CHST8: variants seen among roughly 807,000 people sequenced by gnomAD.
CHST8 encodes GALNAC-4-ST1.
In CHST8, 10 loss-of-function variants were observed where a neutral mutation model predicts 15.0. That is an observed-to-expected ratio of 0.67 (90% confidence interval 0.41 to 1.13). CHST8 has a LOEUF of 1.13. CHST8 is among the 50% of genes most tolerant of loss of function. The pLI is 0.00. For synonymous variants in CHST8, 259 were observed against 256.6 expected (o/e 1.01, Z -0.09); for missense variants, 634 against 608.2 (o/e 1.04, Z -0.45).
chr19:33,716,273 C>T (rs1973664207), intron 3 of CHST8, among the ~76,000 whole-genome samples: 1 of 152,176 alleles, frequency 6.6e-6, no homozygotes, highest in Non-Finnish European at 1.5e-5. Context: ...CTGTTTGCTT[C>T]TTTTGATGTC....
Position 33,773,207 on chromosome 19 carries a change from G to A in CHST8, c.*144G>A, listed in dbSNP as rs367547297. On this transcript the variant is annotated 3_prime_UTR_variant, in exon 5 of 5. Coordinates refer to ENST00000650847, the MANE Select transcript of CHST8 (RefSeq NM_001127895.2). ...ATCGCTGTGGGAGGCAGCAGGCCCC[G>A]GGTGGGGGGCAGAGGCGCCCAGCCT... 3 of 995,508 alleles carry A rather than the reference G, an allele frequency of 3.0e-6. No individual in the cohort carries two copies. Among genetic ancestry groups the A allele is most frequent in the African/African-American group, 1.6e-5 (1 of 61,146 alleles). The allele number at this position is 995,508 out of a possible 1,614,324, so 61.7% of individuals were successfully genotyped here. A position where few individuals can be genotyped will look rare whatever the true frequency, so the allele number is the denominator to read the frequency against.
At chr19:33,670,810 T>C (rs990598484) in intron 2 of CHST8, among the ~76,000 whole-genome samples, 37 of 152,296 alleles carry the variant, frequency 2.4e-4, no homozygotes, top group East Asian at 5.8e-4. Flanking sequence ...AAGTAGTCAC[T>C]GACATGAGCA....
intron 1 of CHST8, among the ~76,000 whole-genome samples, chr19:33,648,488 G>A (rs183539427): frequency 2.2e-4 from 34 of 152,164 alleles, no homozygotes; most frequent in Admixed American, 2.6e-4. Context: ...CCTACAATGC[G>A]TGGTCTTTTT....
rs191870464 is a variant in CHST8 at position 33,685,694 on chromosome 19, C to A, written c.-86-3482C>A. On this transcript the variant is annotated intron_variant, in intron 2 of 4. Transcript: ENST00000650847. Reference sequence around the variant, plus strand: ...ATGCCTCATCCCCCAGCCTTCCAGGCCCCAGCCTGTGACAGATGGTGGTGT... The same window carrying A: ...ATGCCTCATCCCCCAGCCTTCCAGGACCCAGCCTGTGACAGATGGTGGTGT... Among the ~76,000 whole-genome samples, 157 of 151,898 alleles carry A rather than the reference C, an allele frequency of 1.0e-3. 1 individual carries two copies. Among genetic ancestry groups the A allele is most frequent in the African/African-American group, 3.5e-3 (146 of 41,472 alleles).
At chr19:33,693,648 G>A (rs926086379) in intron 3 of CHST8, among the ~76,000 whole-genome samples, 1 of 152,162 alleles carries the variant, frequency 6.6e-6, no homozygotes, top group Non-Finnish European at 1.5e-5. Context: ...ATTGAGATTT[G>A]GCTGATTGGG....
intron 2 of CHST8, among the ~76,000 whole-genome samples, chr19:33,675,893 G>A (rs754118582): frequency 6.6e-5 from 10 of 152,350 alleles, no homozygotes; most frequent in Middle Eastern, 3.4e-3. Flanking sequence ...CAGGGGTCAC[G>A]TGCCTTTCCC....
At chr19:33,757,542 AAGAAAGAAAGAAAG>A in intron 3 of CHST8, among the ~76,000 whole-genome samples, 1 of 95,106 alleles carries the variant, frequency 1.1e-5, no homozygotes, top group East Asian at 2.6e-4. Flanking sequence ...GAAAGAAAGA[AAGAAAGAAAGAAAG>A]AAAGAAAGAA....
At chr19:33,765,351 G>T (rs117024919) in intron 3 of CHST8, among the ~76,000 whole-genome samples, 101 of 152,040 alleles carry the variant, frequency 6.6e-4, no homozygotes, top group African/African-American at 2.2e-3. Flanking sequence ...TCTAGCCTTC[G>T]GAACTGTGAG....
intron 2 of CHST8, among the ~76,000 whole-genome samples, chr19:33,679,439 C>G (rs1191058609): frequency 6.6e-6 from 1 of 152,218 alleles, no homozygotes; most frequent in African/African-American, 2.4e-5. Flanking sequence ...TTCCCACCTT[C>G]TTCCATTAGC....
intron 1 of CHST8, among the ~76,000 whole-genome samples, chr19:33,627,107 G>GC (rs1009986149): frequency 8.8e-6 from 1 of 113,442 alleles, no homozygotes; most frequent in Non-Finnish European, 1.8e-5. Flanking sequence ...TTGGGGGGGG[G>GC]GCGGGTGGGG....
At chr19:33,667,316 C>T (rs963513188) in intron 1 of CHST8, among the ~76,000 whole-genome samples, 14 of 152,166 alleles carry the variant, frequency 9.2e-5, no homozygotes, top group African/African-American at 2.7e-4. Context: ...CAGCCCCAAA[C>T]GGAATTTCCT....
chr19:33,645,598 A>C (rs1011866805), intron 1 of CHST8, among the ~76,000 whole-genome samples: 1 of 152,122 alleles, frequency 6.6e-6, no homozygotes, highest in Admixed American at 6.5e-5. Flanking sequence ...GGTGGGAAAG[A>C]GTGGGTGGAA....
At chr19:33,693,738 A>G (rs1973143742) in intron 3 of CHST8, among the ~76,000 whole-genome samples, 1 of 152,094 alleles carries the variant, frequency 6.6e-6, no homozygotes, top group African/African-American at 2.4e-5. Context: ...TTGATCAGAT[A>G]CAGGTTTGGA....
intron 3 of CHST8, among the ~76,000 whole-genome samples, chr19:33,710,845 G>T (rs1437376294): frequency 2.0e-5 from 3 of 149,254 alleles, no homozygotes; most frequent in African/African-American, 7.5e-5. Context: ...TTCTTGATAT[G>T]TTGTATGCTT....
intron 3 of CHST8, among the ~76,000 whole-genome samples, chr19:33,765,052 T>TCA: frequency 1.2e-5 from 1 of 86,948 alleles, no homozygotes; most frequent in Non-Finnish European, 2.4e-5. Context: ...TACTATTCCA[T>TCA]CATATATATA....
At chr19:33,703,252 G>T (rs1973380039) in intron 3 of CHST8, among the ~76,000 whole-genome samples, 1 of 152,196 alleles carries the variant, frequency 6.6e-6, no homozygotes, top group African/African-American at 2.4e-5. Context: ...ACATCCAGTG[G>T]GTTGAAACGG....
At chr19:33,762,029 T>G (rs941779723) in intron 3 of CHST8, among the ~76,000 whole-genome samples, 1 of 152,106 alleles carries the variant, frequency 6.6e-6, no homozygotes, top group African/African-American at 2.4e-5. Context: ...GCAGCACAAA[T>G]GTGTGCTGTG....
chr19:33,670,700 C>T (rs1437219221), intron 2 of CHST8, among the ~76,000 whole-genome samples: 1 of 152,170 alleles, frequency 6.6e-6, no homozygotes, highest in Non-Finnish European at 1.5e-5. Context: ...TAGAAGCTTC[C>T]ACTGCTCCCC....
At chr19:33,721,173 C>A (rs914296662) in intron 3 of CHST8, among the ~76,000 whole-genome samples, 1 of 152,248 alleles carries the variant, frequency 6.6e-6, no homozygotes, top group Non-Finnish European at 1.5e-5. Flanking sequence ...TGGGGGCCCG[C>A]AGCCATGGCT....
Sources: allele counts gnomAD v4.1 joint callset (sites outside exome capture counted in the v4.1 genomes callset), GRCh38; gene constraint gnomAD v4.1.1; transcripts MANE v1.5; gene names NCBI Gene and HGNC (gene_info 2026-07-23, HGNC 2026-07-21).